RAPGEF4: variants seen among roughly 807,000 people sequenced by gnomAD.
The protein encoded by RAPGEF4 is RAP guanine-nucleotide-exchange factor (GEF) 4.
A neutral mutation model predicts 147.9 loss-of-function variants in RAPGEF4; 66 were observed. That is an observed-to-expected ratio of 0.45 (90% CI 0.37 to 0.55). RAPGEF4 has a LOEUF of 0.55. Ranked by LOEUF, RAPGEF4 falls within the 20% of genes least tolerant of loss-of-function variation. The pLI, the probability that RAPGEF4 is intolerant of heterozygous loss-of-function variation, is 0.00. For missense variants in RAPGEF4, 1,071 were observed against 1,257.3 expected, an observed-to-expected ratio of 0.85 and a Z score of 2.24; for synonymous variants, 419 against 442.7, an observed-to-expected ratio of 0.95 and a Z score of 0.67.
intron 4 of RAPGEF4, among the ~76,000 whole-genome samples, chr2:172,828,742 C>T (rs1689964755): frequency 6.6e-6 from 1 of 152,168 alleles, no homozygotes; most frequent in Admixed American, 6.5e-5. Flanking sequence ...CTCTACCTAC[C>T]CCAAGACCCA....
chr2:172,931,929 A>G (rs1337010588), intron 6 of RAPGEF4, among the ~76,000 whole-genome samples: 1 of 152,082 alleles, frequency 6.6e-6, no homozygotes, highest in Admixed American at 6.6e-5. Context: ...TGAAACAGGT[A>G]ATGCTTCCCT....
intron 1 of RAPGEF4, among the ~76,000 whole-genome samples, chr2:172,778,486 G>A (rs868477727): frequency 4.6e-5 from 7 of 152,028 alleles, no homozygotes; most frequent in Middle Eastern, 6.3e-3. Flanking sequence ...AGTATTGTGG[G>A]GCAGGAGAGA....
intron 17 of RAPGEF4, among the ~76,000 whole-genome samples, chr2:173,011,657 G>A (rs1350957106): frequency 6.6e-6 from 1 of 151,958 alleles, no homozygotes; most frequent in Non-Finnish European, 1.5e-5. Flanking sequence ...TGTGCCCATT[G>A]TATCACCAGA....
chr2:173,018,630 A>G, intron 21 of RAPGEF4, 26 bp from the exon 22 acceptor site: 1 of 1,594,346 alleles, frequency 6.3e-7, no homozygotes, highest in Non-Finnish European at 8.6e-7. Flanking sequence ...AGAGTGATTT[A>G]CTACCTTGTT....
intron 3 of RAPGEF4, among the ~76,000 whole-genome samples, chr2:172,802,865 A>G (rs1299452096): frequency 6.6e-6 from 1 of 152,232 alleles, no homozygotes; most frequent in Non-Finnish European, 1.5e-5. Context: ...AACAAAGGCT[A>G]CAGGCCCCAT....
intron 4 of RAPGEF4, among the ~76,000 whole-genome samples, chr2:172,839,780 C>G (rs555826584): frequency 2.6e-5 from 4 of 152,180 alleles, no homozygotes; most frequent in African/African-American, 9.6e-5. Context: ...GAGAAGCTAC[C>G]TTTATTCATT....
At chr2:172,965,747 T>A (rs1689768690) in intron 9 of RAPGEF4, 64 bp downstream of exon 9, 1 of 1,601,058 alleles carries the variant, frequency 6.2e-7, no homozygotes, top group Admixed American at 1.7e-5. Flanking sequence ...CCTGGGTAAG[T>A]AGTTGCTGAA....
chr2:172,816,154 T>A (rs952655952), intron 4 of RAPGEF4, among the ~76,000 whole-genome samples: 2 of 152,182 alleles, frequency 1.3e-5, no homozygotes, highest in African/African-American at 4.8e-5. Flanking sequence ...AGTCTATATT[T>A]CAAATGTCCT....
In RAPGEF4 at chr2:172,945,023, A is replaced by G. The variant is rs62174643; in HGVS notation, c.538-15737A>G. On this transcript the variant is annotated intron_variant, in intron 6 of 30. Coordinates refer to ENST00000397081, the MANE Select transcript of RAPGEF4 (RefSeq NM_007023.4). ...TCTTGGAAATTAGAAAAATACAGAA[A>G]GGGGAAGGGAGGAAAATATGAGTGA... 9.6e-3 allele frequency among the ~76,000 whole-genome samples: 1,464 copies of G among 152,270 alleles called. 18 individuals carry two copies. The highest frequency in any genetic ancestry group is 0.029 in the Admixed American group (437 of 15,274).
chr2:172,968,969 A>G (rs1287094037), intron 10 of RAPGEF4, among the ~76,000 whole-genome samples: 1 of 152,106 alleles, frequency 6.6e-6, no homozygotes, highest in Non-Finnish European at 1.5e-5. Flanking sequence ...CCTGCATCCA[A>G]GCCAACATAT....
rs1575446363 is a variant in RAPGEF4, at chr2:172,985,623, T to C, written c.1150+130T>C. On this transcript the variant is annotated intron_variant, in intron 12 of 30. Coordinates refer to ENST00000397081, the MANE Select transcript of RAPGEF4 (RefSeq NM_007023.4). The stretch of plus-strand genomic sequence containing the variant: ...GGCTTGGTGACTTGGCAGGGTGTCC[T>C]GTGGTACTTTCGTTTTTCTGGACCT... 16 of 1,485,024 alleles carry C rather than the reference T, an allele frequency of 1.1e-5. No individual in the cohort carries two copies. The East Asian group carries it at 3.6e-4, about 33-fold the overall frequency. 92.0% of individuals were successfully genotyped at this position (1,485,024 alleles called of 1,614,324 possible).
chr2:172,922,635 A>G (rs1684884812), intron 6 of RAPGEF4, among the ~76,000 whole-genome samples: 1 of 152,234 alleles, frequency 6.6e-6, no homozygotes, highest in African/African-American at 2.4e-5. Flanking sequence ...ATAGAAAACT[A>G]GTTGTTTTTC....
intron 2 of RAPGEF4, among the ~76,000 whole-genome samples, chr2:172,795,431 A>G (rs560411561): frequency 6.6e-6 from 1 of 152,346 alleles, no homozygotes; most frequent in African/African-American, 2.4e-5. Flanking sequence ...TGTTTCACAC[A>G]TTTAGCTATA....
At chr2:172,761,979 A>G (rs140781498) in intron 1 of RAPGEF4, among the ~76,000 whole-genome samples, 89 of 152,174 alleles carry the variant, frequency 5.8e-4, no homozygotes, top group African/African-American at 2.0e-3. Flanking sequence ...AAAATTAGCC[A>G]AGGGTGGTAA....
intron 4 of RAPGEF4, among the ~76,000 whole-genome samples, chr2:172,844,037 G>C: frequency 6.6e-6 from 1 of 152,226 alleles, no homozygotes; most frequent in East Asian, 1.9e-4. Flanking sequence ...GCTTTACATA[G>C]AAGCAGTTTA....
chr2:172,874,405 C>T (rs546527621), intron 4 of RAPGEF4, among the ~76,000 whole-genome samples: 9 of 152,156 alleles, frequency 5.9e-5, no homozygotes, highest in African/African-American at 2.2e-4. Flanking sequence ...CTGCTCCCCT[C>T]ACCCCACAAC....
intron 25 of RAPGEF4, among the ~76,000 whole-genome samples, chr2:173,029,360 T>G (rs1696963474): frequency 6.6e-6 from 1 of 152,260 alleles, no homozygotes; most frequent in Non-Finnish European, 1.5e-5. Flanking sequence ...TATTGCAAAA[T>G]GAATTCTTTC....
chr2:172,815,337 T>G (rs922344078), intron 4 of RAPGEF4, among the ~76,000 whole-genome samples: 1 of 152,182 alleles, frequency 6.6e-6, no homozygotes, highest in African/African-American at 2.4e-5. Flanking sequence ...GGTGAATGAG[T>G]GATGCTTTGC....
At chr2:173,048,355 T>C (rs1575602296) in intron 29 of RAPGEF4, 2 of 753,910 alleles carry the variant, frequency 2.7e-6, no homozygotes, top group East Asian at 8.1e-5. Context: ...ATGGGGAATA[T>C]GCCAACAATT....
Sources: gnomAD v4.1 joint callset for allele counts (sites outside exome capture counted in the v4.1 genomes callset) on GRCh38, gnomAD v4.1.1 for gene constraint, MANE v1.5 for transcripts, NCBI Gene and HGNC (gene_info 2026-07-23, HGNC 2026-07-21) for gene names.